The following OTUD7A variants were observed in gnomAD, a reference collection of about 807,000 sequenced individuals.
OTUD7A encodes the protein OTU deubiquitinase 7A, also known as OTU domain-containing protein 7A.
A neutral mutation model predicts 65.7 loss-of-function variants in OTUD7A; 12 were observed. The ratio of observed to expected loss-of-function variants is 0.18; its 90% CI spans 0.12 to 0.30. OTUD7A has a LOEUF of 0.30. OTUD7A is among the 10% of genes least tolerant of loss of function. The pLI is 1.00. For missense variants in OTUD7A, 1,148 were observed against 1,304.8 expected, an observed-to-expected ratio of 0.88 and a Z score of 1.85; for synonymous variants, 641 against 586.3, an observed-to-expected ratio of 1.09 and a Z score of -1.35.
At chr15:31,523,634 C>T (rs534861187) in intron 8 of OTUD7A, among the ~76,000 whole-genome samples, 3 of 152,326 alleles carry the variant, frequency 2.0e-5, no homozygotes, top group African/African-American at 7.2e-5. Flanking sequence ...CCCTACGGCC[C>T]CATGTCCTGG....
intron 1 of OTUD7A, among the ~76,000 whole-genome samples, chr15:31,708,195 T>C (rs1248149323): frequency 6.6e-6 from 1 of 151,934 alleles, no homozygotes; most frequent in African/African-American, 2.4e-5. Flanking sequence ...TTTAATCTAA[T>C]GAGACTGTAA....
intron 10 of OTUD7A, among the ~76,000 whole-genome samples, chr15:31,493,560 A>G (rs574354202): frequency 3.7e-4 from 56 of 152,234 alleles, no homozygotes; most frequent in Admixed American, 2.0e-4. Context: ...ACCTAACAAG[A>G]GCAGAGTATA....
At chr15:31,608,524 G>A (rs1328279418) in intron 3 of OTUD7A, among the ~76,000 whole-genome samples, 1 of 152,204 alleles carries the variant, frequency 6.6e-6, no homozygotes, top group Non-Finnish European at 1.5e-5. Context: ...ATAAGCATGG[G>A]AAAGGGGCTT....
intron 1 of OTUD7A, among the ~76,000 whole-genome samples, chr15:31,821,280 C>G (rs375546979): frequency 4.9e-5 from 7 of 143,748 alleles, no homozygotes; most frequent in African/African-American, 1.8e-4. Context: ...GGACTACAGG[C>G]GTGTGCCACC....
At chr15:31,605,706 T>C (rs1890219056) in intron 3 of OTUD7A, among the ~76,000 whole-genome samples, 1 of 152,240 alleles carries the variant, frequency 6.6e-6, no homozygotes, top group Non-Finnish European at 1.5e-5. Flanking sequence ...GCTTAATCTA[T>C]GCCTCAGGCC....
chr15:31,787,185 G>C (rs1440728698), intron 1 of OTUD7A, among the ~76,000 whole-genome samples: 1 of 152,208 alleles, frequency 6.6e-6, no homozygotes, highest in Non-Finnish European at 1.5e-5. Flanking sequence ...TGAACCAGAT[G>C]TGATGGCCTT....
intron 4 of OTUD7A, among the ~76,000 whole-genome samples, chr15:31,566,472 C>T (rs1888878014): frequency 6.6e-6 from 1 of 152,004 alleles, no homozygotes; most frequent in Non-Finnish European, 1.5e-5. Context: ...TGCGAACAGC[C>T]ACGTTACAAA....
At chr15:31,753,824 A>G (rs1033721940) in intron 1 of OTUD7A, among the ~76,000 whole-genome samples, 1 of 150,254 alleles carries the variant, frequency 6.7e-6, no homozygotes, top group Non-Finnish European at 1.5e-5. Flanking sequence ...TGCTGCTATA[A>G]ACACACATGT....
At chr15:31,690,846 G>A (rs921259747) in intron 1 of OTUD7A, among the ~76,000 whole-genome samples, 3 of 152,138 alleles carry the variant, frequency 2.0e-5, no homozygotes, top group African/African-American at 7.2e-5. Flanking sequence ...AAATACAGAG[G>A]AAAAGCTTTA....
intron 5 of OTUD7A, among the ~76,000 whole-genome samples, chr15:31,537,585 T>C (rs1470515394): frequency 6.6e-6 from 1 of 152,246 alleles, no homozygotes; most frequent in Non-Finnish European, 1.5e-5. Flanking sequence ...GTCTCTAGGC[T>C]GTGAAATAGC....
intron 3 of OTUD7A, among the ~76,000 whole-genome samples, chr15:31,626,174 T>C (rs1401819581): frequency 6.6e-6 from 1 of 152,206 alleles, no homozygotes; most frequent in African/African-American, 2.4e-5. Context: ...TGCATTTCAT[T>C]GCACATAGAT....
chr15:31,484,418 T>C lies in OTUD7A; in HGVS notation c.1678A>G (p.Asn560Asp), dbSNP rs759711852. Residue 560 changes from asparagine to aspartate, a missense_variant, in exon 13 of 13, where the codon AAC (asparagine) becomes GAC (aspartate). By Grantham distance (23) the Asn-to-Asp change is conservative. Coordinates refer to ENST00000307050, the MANE Select transcript of OTUD7A (RefSeq NM_001382637.1). The surrounding 1 kb of genome is among the most constrained non-coding windows in gnomAD (Gnocchi z 4.5). Reference protein sequence around the residue: ...MGRANSANGKNGDSAERGKEK... With the variant: ...MGRANSANGKDGDSAERGKEK... ...TTGCCCCGCTCGGCCGAGTCCCCGT[T>C]CTTGCCATTGGCGGAGTTGGCGCGG... The C allele has an allele frequency of 1.2e-6, 2 of 1,602,502 alleles. No homozygotes were observed. Among genetic ancestry groups the C allele is most frequent in the Admixed American group, 3.3e-5 (2 of 59,996 alleles).
chr15:31,756,669 C>G (rs1894823824), intron 1 of OTUD7A, among the ~76,000 whole-genome samples: 1 of 96,832 alleles, frequency 1.0e-5, no homozygotes, highest in Non-Finnish European at 2.6e-5. Flanking sequence ...CACACACACA[C>G]ACACACACAC....
At chr15:31,806,074 A>G (rs1896261518) in intron 1 of OTUD7A, among the ~76,000 whole-genome samples, 1 of 152,224 alleles carries the variant, frequency 6.6e-6, no homozygotes, top group Non-Finnish European at 1.5e-5. Flanking sequence ...TAATCTTAGC[A>G]ATAAAATTCA....
intron 3 of OTUD7A, among the ~76,000 whole-genome samples, chr15:31,638,429 G>C (rs1194882194): frequency 1.3e-5 from 2 of 148,362 alleles, no homozygotes; most frequent in Non-Finnish European, 3.0e-5. Flanking sequence ...ACCCAGACTG[G>C]AGTAGAGTGG....
chr15:31,582,210 T>C (rs1889393489), intron 3 of OTUD7A, among the ~76,000 whole-genome samples: 1 of 152,246 alleles, frequency 6.6e-6, no homozygotes, highest in South Asian at 2.1e-4. Context: ...CATCTCTATC[T>C]GAGACCACCT....
chr15:31,534,024 G>T (rs1364273045), intron 5 of OTUD7A, among the ~76,000 whole-genome samples: 1 of 152,042 alleles, frequency 6.6e-6, no homozygotes, highest in Non-Finnish European at 1.5e-5. Flanking sequence ...TCCCAAAAAG[G>T]TTATACCAAG....
intron 3 of OTUD7A, among the ~76,000 whole-genome samples, chr15:31,628,325 C>T (rs981200397): frequency 6.6e-6 from 1 of 152,146 alleles, no homozygotes; most frequent in African/African-American, 2.4e-5. Flanking sequence ...AGCCAGTTTT[C>T]CCAGCACCAT....
intron 5 of OTUD7A, among the ~76,000 whole-genome samples, chr15:31,546,684 T>C (rs1054995738): frequency 1.3e-5 from 2 of 152,246 alleles, no homozygotes; most frequent in Admixed American, 6.5e-5. Context: ...CTATGGTATT[T>C]TGTTATGTTA....
Sources: gnomAD v4.1 joint callset for allele counts (sites outside exome capture counted in the v4.1 genomes callset) on GRCh38, gnomAD v4.1.1 for gene constraint, Gnocchi (gnomAD v3.1) non-coding constraint, MANE v1.5 for transcripts, NCBI Gene and HGNC (gene_info 2026-07-23, HGNC 2026-07-21) for gene names.